The following GSE1 variants were observed in gnomAD, a reference collection of about 807,000 sequenced individuals.
The protein encoded by GSE1 is Gse1 coiled-coil protein.
A neutral mutation model predicts 112.6 loss-of-function variants in GSE1; 32 were observed. The ratio of observed to expected loss-of-function variants is 0.28; its 90% CI spans 0.21 to 0.38. GSE1 has a LOEUF of 0.38. GSE1 is among the 10% of genes least tolerant of loss of function. The pLI is 1.00. For synonymous variants in GSE1, 1,115 were observed against 735.6 expected, an observed-to-expected ratio of 1.52 and a Z score of -8.35; for missense variants, 2,348 against 1,699.2, an observed-to-expected ratio of 1.38 and a Z score of -6.71.
At chr16:85,220,231 C>T (rs904806746) in intron 1 of GSE1, among the ~76,000 whole-genome samples, 1 of 152,242 alleles carries the variant, frequency 6.6e-6, no homozygotes, top group Non-Finnish European at 1.5e-5. Flanking sequence ...GGTCCGCTTT[C>T]CAGTGGGTGG....
At chr16:85,470,509 G>A (rs1552268) in intron 2 of GSE1, among the ~76,000 whole-genome samples, 148,922 of 152,294 alleles carry the variant, frequency 0.98, 72,898 homozygotes, top group Middle Eastern at 1. Context: ...TCTATGTGTG[G>A]CTTCTTGGGT....
intron 1 of GSE1, among the ~76,000 whole-genome samples, chr16:85,202,357 G>C (rs2075044074): frequency 6.6e-6 from 1 of 152,238 alleles, no homozygotes. Context: ...TCCAGGGTGG[G>C]CTTGGGAAGC....
At chr16:85,242,042 C>T (rs989071553) in intron 1 of GSE1, among the ~76,000 whole-genome samples, 1 of 152,066 alleles carries the variant, frequency 6.6e-6, no homozygotes, top group African/African-American at 2.4e-5. Flanking sequence ...CCTGCCTCTG[C>T]CCTGAGCCCT....
intron 2 of GSE1, among the ~76,000 whole-genome samples, chr16:85,362,602 A>G (rs991839711): frequency 6.6e-5 from 10 of 152,186 alleles, no homozygotes; most frequent in African/African-American, 2.4e-4. Context: ...TGTCAGTGAC[A>G]TTGGATGAAC....
chr16:85,341,449 G>A (rs1226194141), intron 1 of GSE1, among the ~76,000 whole-genome samples: 2 of 152,174 alleles, frequency 1.3e-5, no homozygotes, highest in Non-Finnish European at 2.9e-5. Context: ...CTTGAGGTTA[G>A]GAGTTTGAGA....
intron 2 of GSE1, 87 bp from the exon 3 acceptor site, chr16:85,648,465 G>T: frequency 1.5e-6 from 1 of 675,504 alleles, no homozygotes; most frequent in Non-Finnish European, 2.5e-6. Context: ...TTGGAGCAGG[G>T]GGGCAGCTGG....
At chr16:85,170,461 C>T in exon 1 of GSE1, 2 of 985,602 alleles carry the variant, frequency 2.0e-6, no homozygotes, top group South Asian at 9.4e-5. Context: ...GGGGGAGACC[C>T]TACGGGGCTT....
At chr16:85,361,119 A>G (rs2047064640) in intron 2 of GSE1, among the ~76,000 whole-genome samples, 2 of 150,450 alleles carry the variant, frequency 1.3e-5, no homozygotes, top group East Asian at 2.0e-4. Flanking sequence ...AGACAGACAG[A>G]GACAGGCACA....
intron 2 of GSE1, among the ~76,000 whole-genome samples, chr16:85,477,566 G>GTTTT (rs553936246): frequency 6.2e-5 from 8 of 128,074 alleles, no homozygotes; most frequent in South Asian, 2.5e-4. Flanking sequence ...TTTTTTTTTT[G>GTTTT]TTTTTTTTTT....
At chr16:85,287,724 A>G (rs1209477648) in intron 1 of GSE1, among the ~76,000 whole-genome samples, 3 of 151,460 alleles carry the variant, frequency 2.0e-5, no homozygotes, top group Non-Finnish European at 2.9e-5. Flanking sequence ...CCCCGATGCC[A>G]TTTTCCTCCT....
intron 2 of GSE1, among the ~76,000 whole-genome samples, chr16:85,526,571 C>A (rs116359976): frequency 2.0e-5 from 3 of 152,186 alleles, no homozygotes; most frequent in African/African-American, 7.2e-5. Flanking sequence ...AGGGACACAG[C>A]ACAGACAGGG....
intron 1 of GSE1, among the ~76,000 whole-genome samples, chr16:85,240,733 C>T (rs1184921391): frequency 6.6e-6 from 1 of 152,204 alleles, no homozygotes; most frequent in African/African-American, 2.4e-5. Context: ...TTGTCCTGAG[C>T]AGAGTGACAG....
rs2052572686 is a variant in GSE1, at chr16:85,663,180, A to G, written c.2373+87A>G. 3 of 1,242,646 alleles carry G rather than the reference A, an allele frequency of 2.4e-6. No individual in the cohort carries two copies. The East Asian group carries it at 7.0e-5, about 29-fold the overall frequency. 77.0% of individuals were successfully genotyped at this position (1,242,646 alleles called of 1,614,324 possible). Reference sequence around the variant, plus strand: ...CCCTGCAGTCCACCCCACTGTTGCTAGGTTCCTCCGAAGTCCTGGCGGGTT... The same window carrying G: ...CCCTGCAGTCCACCCCACTGTTGCTGGGTTCCTCCGAAGTCCTGGCGGGTT... On this transcript the variant is annotated intron_variant, in intron 10 of 15. Coordinates refer to ENST00000253458, the MANE Select transcript of GSE1 (RefSeq NM_014615.5).
At chr16:85,415,715 C>T (rs1597685588) in intron 2 of GSE1, among the ~76,000 whole-genome samples, 2 of 152,230 alleles carry the variant, frequency 1.3e-5, no homozygotes, top group African/African-American at 2.4e-5. Flanking sequence ...CAGCCCGGGT[C>T]GGCCTCCAGA....
chr16:85,463,907 G>A (rs2050051041), intron 2 of GSE1, among the ~76,000 whole-genome samples: 1 of 152,206 alleles, frequency 6.6e-6, no homozygotes, highest in Non-Finnish European at 1.5e-5. Flanking sequence ...GAGGGATGGA[G>A]AGAAGCCTTC....
chr16:85,509,604 G>T (rs962040324), intron 2 of GSE1, among the ~76,000 whole-genome samples: 1 of 152,246 alleles, frequency 6.6e-6, no homozygotes, highest in African/African-American at 2.4e-5. Flanking sequence ...GTGGAGTGAC[G>T]TTGAATGGAA....
chr16:85,474,927 C>T (rs558343844), intron 2 of GSE1, among the ~76,000 whole-genome samples: 3 of 152,262 alleles, frequency 2.0e-5, no homozygotes, highest in African/African-American at 4.8e-5. Flanking sequence ...GATTCGTGGC[C>T]AGGACCTTGG....
chr16:85,203,725 C>T (rs11644665), intron 1 of GSE1, among the ~76,000 whole-genome samples: 3,032 of 152,292 alleles, frequency 0.02, 46 homozygotes, highest in Non-Finnish European at 0.033. Flanking sequence ...CGGCCACCAC[C>T]ATAGTCAGTT....
chr16:85,575,496 C>T (rs914547035), intron 1 of GSE1, among the ~76,000 whole-genome samples: 32 of 152,144 alleles, frequency 2.1e-4, no homozygotes, highest in Admixed American at 2.0e-3. Flanking sequence ...TCTCGTCTCC[C>T]CTCTTTTCTG....
Sources: allele counts gnomAD v4.1 joint callset (sites outside exome capture counted in the v4.1 genomes callset), GRCh38; gene constraint gnomAD v4.1.1; transcripts MANE v1.5; gene names NCBI Gene and HGNC (gene_info 2026-07-23, HGNC 2026-07-21).